SLC14A2: variants seen among roughly 807,000 people sequenced by gnomAD.
SLC14A2 encodes the protein urea transporter 2.
A neutral mutation model predicts 104.6 loss-of-function variants in SLC14A2; 91 were observed. The observed-to-expected ratio is 0.87, with a 90% CI of 0.73 to 1.04. The LOEUF (loss-of-function observed/expected upper bound fraction) is 1.04, where lower values mean the gene tolerates loss of function less well. SLC14A2 is among the 50% of genes least tolerant of loss of function. SLC14A2 has a pLI of 0.00. For synonymous variants in SLC14A2, 476 were observed against 466.4 expected, an observed-to-expected ratio of 1.02 and a Z score of -0.27; for missense variants, 1,189 against 1,156.0, an observed-to-expected ratio of 1.03 and a Z score of -0.41.
chr18:45,552,410 C>T (rs1300780910), intron 2 of SLC14A2, among the ~76,000 whole-genome samples: 2 of 151,696 alleles, frequency 1.3e-5, no homozygotes, highest in Admixed American at 6.6e-5. Flanking sequence ...TGTGAGTTTC[C>T]CTTCTCCTTT....
chr18:45,485,829 T>G (rs2087593297), intron 2 of SLC14A2, among the ~76,000 whole-genome samples: 1 of 152,154 alleles, frequency 6.6e-6, no homozygotes, highest in Admixed American at 6.5e-5. Context: ...TGACCCTGTG[T>G]TGGGTGACTC....
intron 1 of SLC14A2, among the ~76,000 whole-genome samples, chr18:45,285,484 C>G (rs2084804172): frequency 1.3e-5 from 2 of 152,130 alleles, no homozygotes; most frequent in African/African-American, 4.8e-5. Context: ...GTGGTGCAAT[C>G]TCGGCTCACC....
In SLC14A2 at chr18:45,222,430, T is replaced by C. The variant is rs2084072019; in HGVS notation, c.-125+9239T>C. 3.9e-5 allele frequency among the ~76,000 whole-genome samples: 6 copies of C among 152,112 alleles called. No homozygotes were observed. In the South Asian group the frequency reaches 1.2e-3, roughly 32 times the overall value. The stretch of plus-strand genomic sequence containing the variant: ...TGAACAATGGAGTATTAGTGCCAGG[T>C]CACCATACTGAGACTGACATGTGAG... On this transcript the variant is annotated intron_variant, in intron 1 of 20. Coordinates refer to the SLC14A2 transcript ENST00000586448.
chr18:45,500,524 C>T (rs967316715), intron 2 of SLC14A2, among the ~76,000 whole-genome samples: 1 of 149,904 alleles, frequency 6.7e-6, no homozygotes, highest in Non-Finnish European at 1.5e-5. Flanking sequence ...TTGCAGTGAG[C>T]CGAGATCGCG....
intron 1 of SLC14A2, chr18:45,423,862 T>C (rs2086384468): frequency 6.6e-6 from 1 of 152,124 alleles, no homozygotes. Context: ...GGTGCTTGAG[T>C]GCTGCATTTT....
At chr18:45,495,288 A>AG (rs1209713199) in intron 2 of SLC14A2, among the ~76,000 whole-genome samples, 1 of 152,262 alleles carries the variant, frequency 6.6e-6, no homozygotes, top group Non-Finnish European at 1.5e-5. Context: ...TGTCCAAAGT[A>AG]GAAAAATAGG....
At chr18:45,656,942 A>C (rs931402769) in intron 10 of SLC14A2, among the ~76,000 whole-genome samples, 2 of 152,182 alleles carry the variant, frequency 1.3e-5, no homozygotes, top group African/African-American at 4.8e-5. Flanking sequence ...CTTAAAAATA[A>C]AAAATTGGCT....
At position 45,466,089 on chromosome 18, in the gene SLC14A2, G is replaced by A. The variant is rs867021699; in HGVS notation, c.-124-17144G>A. Reference sequence around the variant, plus strand: ...TATGGGATTTGTGATGGGAGAAAGTGAGGATTATTATCCCCAATTTGCAAC... The same window carrying A: ...TATGGGATTTGTGATGGGAGAAAGTAAGGATTATTATCCCCAATTTGCAAC... On this transcript the variant is annotated intron_variant, in intron 1 of 20. Transcript: ENST00000586448. Among the ~76,000 whole-genome samples, 13 of 152,188 alleles carry A rather than the reference G, an allele frequency of 8.5e-5. No individual in the cohort carries two copies. In the South Asian group the frequency reaches 2.1e-3, roughly 24 times the overall value.
intron 1 of SLC14A2, chr18:45,436,685 G>C (rs1410990361): frequency 6.6e-6 from 1 of 152,144 alleles, no homozygotes; most frequent in East Asian, 1.9e-4. Context: ...GATTTGAGGT[G>C]ATGATAAATC....
intron 1 of SLC14A2, among the ~76,000 whole-genome samples, chr18:45,231,870 G>A (rs2084178068): frequency 6.6e-6 from 1 of 152,136 alleles, no homozygotes; most frequent in South Asian, 2.1e-4. Flanking sequence ...TTTATAGTGT[G>A]GTGATGAAAG....
chr18:45,305,546 C>G (rs1178934017), intron 1 of SLC14A2, among the ~76,000 whole-genome samples: 1 of 152,180 alleles, frequency 6.6e-6, no homozygotes, highest in East Asian at 1.9e-4. Flanking sequence ...CTGTTTTCTT[C>G]TCCTCTTTGT....
intron 1 of SLC14A2, among the ~76,000 whole-genome samples, chr18:45,375,351 C>T (rs1381300858): frequency 6.6e-6 from 1 of 152,174 alleles, no homozygotes; most frequent in Non-Finnish European, 1.5e-5. Context: ...ACTTTGCAGA[C>T]CCTGCATGGG....
At position 45,615,566 on chromosome 18, in the gene SLC14A2, C is replaced by G. The variant is rs1194703892; in HGVS notation, c.-51C>G. On this transcript the variant is annotated 5_prime_UTR_variant, in exon 1 of 20. Coordinates refer to ENST00000255226, the MANE Select transcript of SLC14A2 (RefSeq NM_007163.4). ...ATGACTGTAAGTTTCCTGAGGCCTC[C>G]CCAGCAATGTGGAAGTGTGAGTCAA... 6.6e-6 allele frequency: 1 copy of G among 152,106 alleles called. No individual in the cohort carries two copies. Among genetic ancestry groups the G allele is most frequent in the African/African-American group, 2.4e-5 (1 of 41,398 alleles). 9.4% of individuals were successfully genotyped at this position (152,106 alleles called of 1,614,324 possible).
intron 1 of SLC14A2, among the ~76,000 whole-genome samples, chr18:45,327,331 G>A (rs1378772826): frequency 1.3e-5 from 2 of 151,810 alleles, no homozygotes; most frequent in Non-Finnish European, 2.9e-5. Flanking sequence ...TGCTTTTTTG[G>A]TAAAATTTAC....
intron 1 of SLC14A2, among the ~76,000 whole-genome samples, chr18:45,467,011 G>A (rs991667907): frequency 1.3e-5 from 2 of 152,042 alleles, no homozygotes; most frequent in Non-Finnish European, 2.9e-5. Flanking sequence ...ATGTCCATGT[G>A]GGTGTGACTT....
rs528054735 is a variant in SLC14A2, at chr18:45,329,010, C to A, written c.-125+115819C>A. On this transcript the variant is annotated intron_variant, in intron 1 of 20. Transcript: ENST00000586448. ...AAAGCCGACCAGCAGAAGGGCCTAA[C>A]GATTTTTCCAGAGCTGGAGAAAACT... is the stretch of plus-strand genomic sequence containing the variant. Among the ~76,000 whole-genome samples the A allele has an allele frequency of 7.2e-5, 11 of 152,138 alleles. No homozygotes were observed. The East Asian group carries it at 1.5e-3, about 21-fold the overall frequency.
intron 2 of SLC14A2, among the ~76,000 whole-genome samples, chr18:45,592,235 T>TA (rs765230836): frequency 2.8e-4 from 43 of 152,162 alleles, no homozygotes; most frequent in Non-Finnish European, 5.9e-4. Flanking sequence ...TTTTTTAATG[T>TA]AAAATGAGAA....
At chr18:45,419,988 A>G (rs1473372614) in intron 1 of SLC14A2, among the ~76,000 whole-genome samples, 1 of 152,180 alleles carries the variant, frequency 6.6e-6, no homozygotes, top group Admixed American at 6.5e-5. Flanking sequence ...TAATGGCTTA[A>G]AACAACAATA....
At chr18:45,627,172 T>C in intron 4 of SLC14A2, 25 bp downstream of exon 4, 1 of 1,599,220 alleles carries the variant, frequency 6.3e-7, no homozygotes, top group South Asian at 1.1e-5. Context: ...ATAGGGATTT[T>C]AGCAAGATGT....
Sources: gnomAD v4.1 joint callset for allele counts (sites outside exome capture counted in the v4.1 genomes callset) on GRCh38, gnomAD v4.1.1 for gene constraint, MANE v1.5 for transcripts, NCBI Gene and HGNC (gene_info 2026-07-23, HGNC 2026-07-21) for gene names.